CTNNA2: variants seen among roughly 807,000 people sequenced by gnomAD.
The protein encoded by CTNNA2 is catenin alpha-2.
In CTNNA2, 42 loss-of-function variants were observed where a neutral mutation model predicts 101.0. The ratio of observed to expected loss-of-function variants is 0.42; its 90% CI spans 0.32 to 0.54. The LOEUF (loss-of-function observed/expected upper bound fraction) is 0.54. Among genes scored for constraint, CTNNA2 ranks in the 20% least tolerant of loss-of-function variants. CTNNA2 has a pLI of 0.14. For missense variants in CTNNA2, 871 were observed against 1,223.1 expected (o/e 0.71, Z 4.29); for synonymous variants, 450 against 456.4 (o/e 0.99, Z 0.18).
intron 7 of CTNNA2, among the ~76,000 whole-genome samples, chr2:79,935,350 CTCTT>C (rs1489434514): frequency 1.5e-5 from 2 of 133,580 alleles, no homozygotes; most frequent in African/African-American, 5.5e-5. Context: ...TTCTCTCTCT[CTCTT>C]TTTTTTTTTT....
At chr2:79,924,811 AT>A (rs1686916428) in intron 7 of CTNNA2, among the ~76,000 whole-genome samples, 1 of 152,114 alleles carries the variant, frequency 6.6e-6, no homozygotes, top group Admixed American at 6.6e-5. Flanking sequence ...TGTCTATCTC[AT>A]TCCTAATGAC....
intron 4 of CTNNA2, among the ~76,000 whole-genome samples, chr2:79,477,331 C>T (rs1671061255): frequency 6.6e-6 from 1 of 151,788 alleles, no homozygotes; most frequent in Non-Finnish European, 1.5e-5. Flanking sequence ...CCACCACACC[C>T]TGCTGATTTT....
intron 1 of CTNNA2, among the ~76,000 whole-genome samples, chr2:79,624,745 G>C (rs987938016): frequency 6.6e-6 from 1 of 152,158 alleles, no homozygotes; most frequent in Admixed American, 6.5e-5. Flanking sequence ...TAATCATAAA[G>C]CTTACACCCT....
chr2:80,080,948 TAAA>T (rs79785271), intron 7 of CTNNA2, among the ~76,000 whole-genome samples: 11 of 87,580 alleles, frequency 1.3e-4, no homozygotes, highest in Admixed American at 5.8e-4. Context: ...TTCTCCCACT[TAAA>T]AAAAAAAAAA....
intron 3 of CTNNA2, among the ~76,000 whole-genome samples, chr2:79,362,139 C>T: frequency 6.6e-6 from 1 of 152,210 alleles, no homozygotes; most frequent in East Asian, 1.9e-4. Context: ...AGTGACTATA[C>T]TAAGCCAGCT....
At chr2:80,128,232 C>T (rs77414319) in intron 7 of CTNNA2, among the ~76,000 whole-genome samples, 19 of 152,200 alleles carry the variant, frequency 1.2e-4, no homozygotes, top group African/African-American at 4.1e-4. Flanking sequence ...CTGTGAAAAC[C>T]GAAGCCTGGT....
At chr2:80,312,084 C>T (rs1285339889) in intron 7 of CTNNA2, among the ~76,000 whole-genome samples, 2 of 152,176 alleles carry the variant, frequency 1.3e-5, no homozygotes, top group East Asian at 3.9e-4. Context: ...GTTAGAAATG[C>T]TTGTTCCTCA....
intron 7 of CTNNA2, among the ~76,000 whole-genome samples, chr2:80,112,674 ATTTG>A (rs1042565379): frequency 6.6e-6 from 1 of 152,134 alleles, no homozygotes; most frequent in Non-Finnish European, 1.5e-5. Flanking sequence ...AAGTTGTTAT[ATTTG>A]TTTAAGTATC....
At chr2:80,267,627 G>A (rs192277129) in intron 7 of CTNNA2, among the ~76,000 whole-genome samples, 38 of 152,294 alleles carry the variant, frequency 2.5e-4, no homozygotes, top group South Asian at 1.4e-3. Flanking sequence ...GAGACGATTC[G>A]CTCTAAATGA....
intron 3 of CTNNA2, among the ~76,000 whole-genome samples, chr2:79,754,344 C>A (rs937538662): frequency 6.6e-6 from 1 of 152,110 alleles, no homozygotes. Context: ...TTCTCACCCT[C>A]TTTGGTGGTG....
At chr2:79,965,106 C>T (rs138200660) in intron 7 of CTNNA2, among the ~76,000 whole-genome samples, 7 of 152,242 alleles carry the variant, frequency 4.6e-5, no homozygotes, top group Admixed American at 1.3e-4. Context: ...CAAGTCACTC[C>T]GAGGAGTCAT....
At chr2:80,463,033 T>C (rs1684573317) in intron 9 of CTNNA2, among the ~76,000 whole-genome samples, 1 of 152,150 alleles carries the variant, frequency 6.6e-6, no homozygotes, top group East Asian at 1.9e-4. Flanking sequence ...CTCTCAGCCT[T>C]TCTCGTCTTT....
In CTNNA2 at chr2:79,414,988, A is replaced by T. The variant is rs1242123868; in HGVS notation, c.-135+40975A>T. Among the ~76,000 whole-genome samples, 5 of 152,138 alleles carry T rather than the reference A, an allele frequency of 3.3e-5. No homozygotes were observed. In the East Asian group the frequency reaches 9.7e-4, roughly 29 times the overall value. On this transcript the variant is annotated intron_variant, in intron 4 of 21. Coordinates refer to the CTNNA2 transcript ENST00000466387. ...GTTTGACACCACCAAGTTTTGGGGC[A>T]GTTTGTTACATAGCAATAGGTAACT... is the stretch of plus-strand genomic sequence containing the variant.
chr2:79,214,339 A>G (rs183129329), intron 2 of CTNNA2, among the ~76,000 whole-genome samples: 1 of 152,142 alleles, frequency 6.6e-6, no homozygotes, highest in African/African-American at 2.4e-5. Flanking sequence ...TGAGATCTAG[A>G]ACAGAATAAT....
At chr2:79,406,746 A>G (rs909409576) in intron 4 of CTNNA2, among the ~76,000 whole-genome samples, 1 of 151,970 alleles carries the variant, frequency 6.6e-6, no homozygotes, top group African/African-American at 2.4e-5. Context: ...TTGACCAAGG[A>G]AAAAATCTTG....
chr2:80,201,341 C>T (rs1384790421), intron 7 of CTNNA2, among the ~76,000 whole-genome samples: 2 of 143,152 alleles, frequency 1.4e-5, no homozygotes, highest in East Asian at 2.0e-4. Context: ...CATGTTTTAT[C>T]GTATCCACAA....
chr2:79,797,796 C>A (rs1163243477), intron 3 of CTNNA2, among the ~76,000 whole-genome samples: 1 of 151,696 alleles, frequency 6.6e-6, no homozygotes. Context: ...TAAATATGTT[C>A]CAGTTTCCTT....
At chr2:79,563,188 TTTTCCTTC>T (rs1674898131) in intron 1 of CTNNA2, among the ~76,000 whole-genome samples, 1 of 42,302 alleles carries the variant, frequency 2.4e-5, no homozygotes, top group African/African-American at 5.4e-5. Context: ...TATATATATA[TTTTCCTTC>T]ATTCTCTCAG....
intron 2 of CTNNA2, among the ~76,000 whole-genome samples, chr2:79,743,569 T>C (rs917266746): frequency 5.9e-5 from 9 of 151,686 alleles, no homozygotes; most frequent in Non-Finnish European, 1.2e-4. Context: ...GTCTTGCTCT[T>C]GTCACCCAGG....
Sources: gnomAD v4.1 joint callset for allele counts (sites outside exome capture counted in the v4.1 genomes callset) on GRCh38, gnomAD v4.1.1 for gene constraint, MANE v1.5 for transcripts, NCBI Gene and HGNC (gene_info 2026-07-23, HGNC 2026-07-21) for gene names.